The following C2orf66 variants were observed in gnomAD, a reference collection of about 807,000 sequenced individuals.
C2orf66 encodes the protein chromosome 2 open reading frame 66, also known as uncharacterized protein C2orf66.
In C2orf66, 6 loss-of-function variants were observed where a neutral mutation model predicts 7.0. The ratio of observed to expected loss-of-function variants is 0.86; its 90% CI spans 0.47 to 1.69. C2orf66 has a LOEUF of 1.69. C2orf66 is among the 40% of genes most tolerant of loss of function. The probability of loss-of-function intolerance (pLI) is 0.01; values close to 1 mark genes in which losing one functional copy is unlikely to be tolerated. For missense variants in C2orf66, 107 were observed against 112.0 expected, an observed-to-expected ratio of 0.96 and a Z score of 0.20; for synonymous variants, 38 against 43.8, an observed-to-expected ratio of 0.87 and a Z score of 0.52.
the C2orf66 span, among the ~76,000 whole-genome samples, chr2:196,817,437 G>A: frequency 2.6e-5 from 4 of 151,906 alleles, no homozygotes; most frequent in Middle Eastern, 3.4e-3. Flanking sequence ...GGGTTTCACC[G>A]TGTTAGCCAG....
chr2:196,814,218 T>C (rs562398342), upstream of C2orf66, among the ~76,000 whole-genome samples: 5 of 152,272 alleles, frequency 3.3e-5, no homozygotes, highest in African/African-American at 1.2e-4. Context: ...ATGGCACATA[T>C]ACACCATGGA....
At chr2:196,829,406 T>C in the C2orf66 span, among the ~76,000 whole-genome samples, 23 of 151,976 alleles carry the variant, frequency 1.5e-4, no homozygotes, top group African/African-American at 4.4e-4. Context: ...CTGGACAACA[T>C]GGTGAAACCC....
the C2orf66 span, among the ~76,000 whole-genome samples, chr2:196,831,126 AT>A: frequency 6.6e-6 from 1 of 152,022 alleles, no homozygotes; most frequent in Non-Finnish European, 1.5e-5. Context: ...AACCTGCAAC[AT>A]TTTCCCCAAA....
chr2:196,811,359 G>A (rs577395061), upstream of C2orf66, among the ~76,000 whole-genome samples: 9 of 152,326 alleles, frequency 5.9e-5, no homozygotes, highest in African/African-American at 1.4e-4. Context: ...AGAGGGCTGC[G>A]CAAAGCCAGT....
chr2:196,818,315 C>A, the C2orf66 span, among the ~76,000 whole-genome samples: 1 of 152,202 alleles, frequency 6.6e-6, no homozygotes, highest in African/African-American at 2.4e-5. Context: ...CCAGGCCAAG[C>A]AAGGTTGCCA....
At chr2:196,811,658 C>A (rs1699878421), upstream of C2orf66, among the ~76,000 whole-genome samples, 1 of 152,002 alleles carries the variant, frequency 6.6e-6, no homozygotes, top group South Asian at 2.1e-4. Context: ...TTAGAGGAGG[C>A]TTTGAGATTT....
the C2orf66 span, among the ~76,000 whole-genome samples, chr2:196,829,883 C>T: frequency 1.1e-4 from 16 of 152,086 alleles, no homozygotes; most frequent in South Asian, 3.3e-3. Context: ...GGCAACAGAG[C>T]GAGACTCCAT....
chr2:196,828,968 A>G, the C2orf66 span, among the ~76,000 whole-genome samples: 1 of 152,210 alleles, frequency 6.6e-6, no homozygotes, highest in African/African-American at 2.4e-5. Context: ...CTATGCCTAG[A>G]ATTCTGACCT....
upstream of C2orf66, chr2:196,810,254 G>A (rs1431108382): frequency 1.3e-5 from 2 of 152,144 alleles, no homozygotes; most frequent in Non-Finnish European, 2.9e-5. Context: ...CTGGAAATAT[G>A]ATGGATTATA....
At chr2:196,824,966 G>C in the C2orf66 span, among the ~76,000 whole-genome samples, 1 of 152,140 alleles carries the variant, frequency 6.6e-6, no homozygotes, top group Non-Finnish European at 1.5e-5. Flanking sequence ...GAGCATGGTG[G>C]CTCATGTCTG....
chr2:196,807,680 G>A, intron 1 of C2orf66, 58 bp from the exon 2 acceptor site: 1 of 1,406,970 alleles, frequency 7.1e-7, no homozygotes, highest in South Asian at 1.2e-5. Flanking sequence ...AAAAATAAAG[G>A]TGTTTTTCTT....
At chr2:196,809,972 A>G (rs1699859535), upstream of C2orf66, 1 of 152,240 alleles carries the variant, frequency 6.6e-6, no homozygotes, top group African/African-American at 2.4e-5. Context: ...AAGGCAATTC[A>G]TGGGTACTTA....
At chr2:196,815,336 T>C in the C2orf66 span, among the ~76,000 whole-genome samples, 7 of 152,156 alleles carry the variant, frequency 4.6e-5, no homozygotes, top group Non-Finnish European at 1.0e-4. Flanking sequence ...ATTATGACAT[T>C]TCCTTCAAAA....
At chr2:196,805,658 C>T (rs948600742) in intron 2 of C2orf66, among the ~76,000 whole-genome samples, 1 of 151,952 alleles carries the variant, frequency 6.6e-6, no homozygotes, top group African/African-American at 2.4e-5. Context: ...CAGTTTCCTG[C>T]CCTTTTATAT....
At chr2:196,823,198 A>G in the C2orf66 span, among the ~76,000 whole-genome samples, 1 of 152,214 alleles carries the variant, frequency 6.6e-6, no homozygotes, top group Non-Finnish European at 1.5e-5. Context: ...TTAAGGCTTA[A>G]CAACTACGTA....
the C2orf66 span, among the ~76,000 whole-genome samples, chr2:196,823,347 G>A: frequency 6.6e-6 from 1 of 152,284 alleles, no homozygotes; most frequent in Non-Finnish European, 1.5e-5. Flanking sequence ...TAGGGGCTGG[G>A]CATAGTGGCT....
chr2:196,823,018 T>TAAA, the C2orf66 span, among the ~76,000 whole-genome samples: 2,032 of 137,834 alleles, frequency 0.015, 43 homozygotes, highest in African/African-American at 0.047. Context: ...AACTTCTTGT[T>TAAA]AAAAAAAAAA....
chr2:196,808,834 C>G (rs1291860077), intron 1 of C2orf66, among the ~76,000 whole-genome samples: 1 of 152,110 alleles, frequency 6.6e-6, no homozygotes, highest in Non-Finnish European at 1.5e-5. Context: ...TATATGATAA[C>G]TTGTTTTATC....
the C2orf66 span, among the ~76,000 whole-genome samples, chr2:196,815,789 C>A: frequency 6.6e-6 from 1 of 152,154 alleles, no homozygotes; most frequent in Non-Finnish European, 1.5e-5. Context: ...GACTATATAA[C>A]CTTTTCAAAC....
Sources: gnomAD v4.1 joint callset for allele counts (sites outside exome capture counted in the v4.1 genomes callset) on GRCh38, gnomAD v4.1.1 for gene constraint, MANE v1.5 for transcripts, NCBI Gene and HGNC (gene_info 2026-07-23, HGNC 2026-07-21) for gene names.